The following PDZRN4 variants were observed in gnomAD, a reference collection of about 807,000 sequenced individuals.
PDZRN4 encodes PDZ domain-containing RING finger protein 4.
A neutral mutation model predicts 99.0 loss-of-function variants in PDZRN4; 70 were observed. That is an observed-to-expected ratio of 0.71 (90% CI 0.58 to 0.86). The LOEUF (loss-of-function observed/expected upper bound fraction) is 0.86. Ranked by LOEUF, PDZRN4 falls within the 40% of genes least tolerant of loss-of-function variation. The pLI is 0.00. For missense variants in PDZRN4, 1,474 were observed against 1,331.2 expected (o/e 1.11, Z -1.67); for synonymous variants, 551 against 501.6 (o/e 1.10, Z -1.32).
intron 3 of PDZRN4, among the ~76,000 whole-genome samples, chr12:41,388,800 G>A (rs959521184): frequency 2.6e-5 from 4 of 152,148 alleles, no homozygotes; most frequent in African/African-American, 9.7e-5. Context: ...CATTCACTGA[G>A]TTTATGTATC....
intron 3 of PDZRN4, among the ~76,000 whole-genome samples, chr12:41,374,132 G>A (rs1045740599): frequency 6.8e-6 from 1 of 147,970 alleles, no homozygotes; most frequent in Non-Finnish European, 1.5e-5. Context: ...TCTTTGCAGT[G>A]TTTTAGGAAG....
intron 3 of PDZRN4, among the ~76,000 whole-genome samples, chr12:41,499,658 T>C (rs1938075882): frequency 6.6e-6 from 1 of 152,056 alleles, no homozygotes; most frequent in Non-Finnish European, 1.5e-5. Context: ...CAAGATTACC[T>C]ATAACCAAAA....
At chr12:41,228,859 G>A (rs1446651328) in intron 3 of PDZRN4, among the ~76,000 whole-genome samples, 1 of 151,946 alleles carries the variant, frequency 6.6e-6, no homozygotes, top group African/African-American at 2.4e-5. Flanking sequence ...GTTTTTATAT[G>A]TGAAATAAAT....
At chr12:41,297,278 T>C (rs7961270) in intron 3 of PDZRN4, among the ~76,000 whole-genome samples, 9,351 of 152,236 alleles carry the variant, frequency 0.061, 826 homozygotes, top group African/African-American at 0.2. Context: ...TTAATTATAA[T>C]ACTAGGATAT....
chr12:41,391,838 G>C (rs1040399900), intron 3 of PDZRN4, among the ~76,000 whole-genome samples: 2 of 152,164 alleles, frequency 1.3e-5, no homozygotes, highest in African/African-American at 4.8e-5. Context: ...TGGTGAGTCA[G>C]TTCTAATTGA....
intron 3 of PDZRN4, among the ~76,000 whole-genome samples, chr12:41,296,976 C>G (rs1951499518): frequency 6.6e-6 from 1 of 151,954 alleles, no homozygotes; most frequent in African/African-American, 2.4e-5. Flanking sequence ...AAAACAAAAA[C>G]AAAATCTGTA....
chr12:41,336,604 TG>T (rs1951776520), intron 3 of PDZRN4, among the ~76,000 whole-genome samples: 1 of 152,080 alleles, frequency 6.6e-6, no homozygotes, highest in Non-Finnish European at 1.5e-5. Flanking sequence ...ACAGGGGAAT[TG>T]CAATGGAGAA....
At chr12:41,569,727 TTAAA>T (rs1274614061) in intron 9 of PDZRN4, among the ~76,000 whole-genome samples, 15 of 152,328 alleles carry the variant, frequency 9.8e-5, no homozygotes, top group Admixed American at 7.2e-4. Flanking sequence ...TGTCCACATA[TTAAA>T]TAAATAATTA....
At chr12:41,359,909 T>C (rs1383846503) in intron 3 of PDZRN4, among the ~76,000 whole-genome samples, 4 of 152,038 alleles carry the variant, frequency 2.6e-5, no homozygotes, top group African/African-American at 9.7e-5. Flanking sequence ...TAAAAAATCA[T>C]TTCTAAGAAG....
rs1939551373 is a variant in PDZRN4, at chr12:41,574,734, A to G, written c.*844A>G. ...TTGTTTCCAATAAAGTTGTATTGAA[A>G]CATTCCCTATAGATCACTGTGTCAC... On this transcript the variant is annotated 3_prime_UTR_variant, in exon 10 of 10. Transcript: ENST00000402685. 6.6e-6 allele frequency: 1 copy of G among 152,200 alleles called. No homozygotes were observed. Among genetic ancestry groups the G allele is most frequent in the Non-Finnish European group, 1.5e-5 (1 of 68,042 alleles). 9.4% of individuals were successfully genotyped at this position (152,200 alleles called of 1,614,324 possible).
rs1416001714 is a variant in PDZRN4, at chr12:41,572,601, T to G, written c.1822T>G (p.Ser608Ala). The G allele has an allele frequency of 1.2e-6, 2 of 1,614,136 alleles. No homozygotes were observed. The highest frequency in any genetic ancestry group is 2.2e-5 in the South Asian group (2 of 91,086). Reference sequence around the variant, plus strand: ...ACTTCAGTACAATGAGAGCCTCGTATCTGGTGAATACATTGACTCAGACTG... The same window carrying G: ...ACTTCAGTACAATGAGAGCCTCGTAGCTGGTGAATACATTGACTCAGACTG... ...VELQYNESLV[S>A]GEYIDSDCIG... Residue 608 changes from serine (S) to alanine (A), a missense_variant, in exon 10 of 10, where the codon TCT (serine) becomes GCT (alanine). Physicochemically the swap from Ser to Ala is moderately conservative, Grantham distance 99 (BLOSUM62 1). Coordinates refer to ENST00000402685, the MANE Select transcript of PDZRN4 (RefSeq NM_001164595.2).
At chr12:41,524,454 G>A (rs1417357249) in intron 5 of PDZRN4, among the ~76,000 whole-genome samples, 1 of 152,160 alleles carries the variant, frequency 6.6e-6, no homozygotes, top group Non-Finnish European at 1.5e-5. Context: ...GGTTAATGGA[G>A]GAGCTGGTAT....
intron 3 of PDZRN4, among the ~76,000 whole-genome samples, chr12:41,368,035 C>T (rs1424395520): frequency 6.6e-6 from 1 of 152,088 alleles, no homozygotes; most frequent in Admixed American, 6.6e-5. Context: ...CTTGAGTTAC[C>T]TCCCTATCTA....
chr12:41,375,070 T>C (rs1331142177), intron 3 of PDZRN4, among the ~76,000 whole-genome samples: 1 of 152,190 alleles, frequency 6.6e-6, no homozygotes, highest in Non-Finnish European at 1.5e-5. Context: ...TGAAGGTCTC[T>C]AGCTAGCAGC....
chr12:41,383,908 G>C (rs1243869171), intron 3 of PDZRN4, among the ~76,000 whole-genome samples: 3 of 148,000 alleles, frequency 2.0e-5, no homozygotes, highest in Non-Finnish European at 4.5e-5. Flanking sequence ...GTAATAATCA[G>C]TTCATCATGA....
At chr12:41,423,681 G>A (rs1051773031) in intron 3 of PDZRN4, among the ~76,000 whole-genome samples, 1 of 152,030 alleles carries the variant, frequency 6.6e-6, no homozygotes, top group African/African-American at 2.4e-5. Context: ...GAAGTTTTCT[G>A]TTTATTTTGC....
At chr12:41,356,863 T>C (rs1951931446) in intron 3 of PDZRN4, among the ~76,000 whole-genome samples, 1 of 151,956 alleles carries the variant, frequency 6.6e-6, no homozygotes, top group South Asian at 2.1e-4. Flanking sequence ...TCCAAATTAG[T>C]ATTTCATTAT....
chr12:41,388,729 G>GA (rs1009575860), intron 3 of PDZRN4, among the ~76,000 whole-genome samples: 19 of 151,986 alleles, frequency 1.3e-4, no homozygotes, highest in African/African-American at 4.6e-4. Flanking sequence ...GTAGGAGAGA[G>GA]AAAAAAAGTC....
At chr12:41,299,484 A>G (rs1455364379) in intron 3 of PDZRN4, among the ~76,000 whole-genome samples, 1 of 151,822 alleles carries the variant, frequency 6.6e-6, no homozygotes, top group Admixed American at 6.6e-5. Context: ...GATGCTAGCT[A>G]TTTTCTTGCC....
Sources: gnomAD v4.1 joint callset for allele counts (sites outside exome capture counted in the v4.1 genomes callset) on GRCh38, gnomAD v4.1.1 for gene constraint, MANE v1.5 for transcripts, NCBI Gene and HGNC (gene_info 2026-07-23, HGNC 2026-07-21) for gene names.